NCALD: variants seen among roughly 807,000 people sequenced by gnomAD.
NCALD encodes neurocalcin-delta.
NCALD carries 10 observed loss-of-function variants against 18.6 expected under a neutral mutation model. The observed-to-expected ratio is 0.54, with a 90% CI of 0.33 to 0.91. The LOEUF (loss-of-function observed/expected upper bound fraction) is 0.91, where lower values mean the gene tolerates loss of function less well. Among genes scored for constraint, NCALD ranks in the 40% least tolerant of loss-of-function variants. The probability of loss-of-function intolerance (pLI) is 0.03; values close to 1 mark genes in which losing one functional copy is unlikely to be tolerated. For missense variants in NCALD, 184 were observed against 247.6 expected, an observed-to-expected ratio of 0.74 and a Z score of 1.72; for synonymous variants, 88 against 87.4, an observed-to-expected ratio of 1.01 and a Z score of -0.04.
At chr8:102,086,824 A>G (rs1824753715) in intron 1 of NCALD, among the ~76,000 whole-genome samples, 1 of 152,242 alleles carries the variant, frequency 6.6e-6, no homozygotes, top group Admixed American at 6.5e-5. Context: ...GATACAGGTC[A>G]TAAATATATT....
chr8:101,999,751 AAAT>A (rs1296455774), intron 2 of NCALD, among the ~76,000 whole-genome samples: 5 of 151,156 alleles, frequency 3.3e-5, no homozygotes, highest in Non-Finnish European at 7.4e-5. Context: ...TCTAAAAATA[AAAT>A]AATAACATTC....
At chr8:102,012,037 A>G (rs2132068624) in intron 2 of NCALD, among the ~76,000 whole-genome samples, 1 of 152,308 alleles carries the variant, frequency 6.6e-6, no homozygotes, top group East Asian at 1.9e-4. Context: ...TAATGAGGCA[A>G]TGGCCACTGT....
chr8:101,902,433 T>C (rs1409061357), intron 3 of NCALD, among the ~76,000 whole-genome samples: 1 of 152,126 alleles, frequency 6.6e-6, no homozygotes, highest in Non-Finnish European at 1.5e-5. Flanking sequence ...TGGCCAGGGG[T>C]CCAGTGACCA....
chr8:102,082,861 C>A (rs991753566), intron 1 of NCALD, among the ~76,000 whole-genome samples: 1 of 152,326 alleles, frequency 6.6e-6, no homozygotes, highest in Non-Finnish European at 1.5e-5. Flanking sequence ...ATTAGGTCTG[C>A]CTCTCAGTCC....
chr8:101,739,381 A>G (rs566483822), intron 1 of NCALD, among the ~76,000 whole-genome samples: 4 of 152,318 alleles, frequency 2.6e-5, no homozygotes, highest in African/African-American at 9.6e-5. Flanking sequence ...TTTAGTGTCT[A>G]TCTTTCCCTG....
chr8:101,922,387 T>C (rs940404199), intron 2 of NCALD, among the ~76,000 whole-genome samples: 7 of 152,174 alleles, frequency 4.6e-5, no homozygotes, highest in Non-Finnish European at 1.0e-4. Context: ...TTCTACATTA[T>C]TGGACACGTT....
intron 3 of NCALD, among the ~76,000 whole-genome samples, chr8:101,909,746 T>A (rs529041036): frequency 2.4e-4 from 37 of 152,162 alleles, no homozygotes; most frequent in Non-Finnish European, 4.7e-4. Flanking sequence ...CAGGATTATG[T>A]GATTAGAACA....
intron 4 of NCALD, among the ~76,000 whole-genome samples, chr8:101,808,074 C>G (rs1225239505): frequency 2.0e-5 from 3 of 152,054 alleles, no homozygotes; most frequent in Non-Finnish European, 4.4e-5. Context: ...CTCAAATTAC[C>G]AATATCTGTA....
intron 4 of NCALD, among the ~76,000 whole-genome samples, chr8:101,863,434 T>C (rs999983372): frequency 3.3e-5 from 5 of 152,206 alleles, no homozygotes; most frequent in Non-Finnish European, 5.9e-5. Context: ...CCCTTTCTTT[T>C]TGAAATGTTT....
At chr8:101,941,344 C>G (rs1429741533) in intron 2 of NCALD, among the ~76,000 whole-genome samples, 1 of 152,208 alleles carries the variant, frequency 6.6e-6, no homozygotes, top group Non-Finnish European at 1.5e-5. Context: ...AGAGCTCACG[C>G]TCCTATGAGA....
Position 101,688,577 on chromosome 8 carries a change from C to T in NCALD, c.*732G>A, listed in dbSNP as rs1318991811. On this transcript the variant is annotated 3_prime_UTR_variant, in exon 4 of 4. Coordinates refer to ENST00000220931, the MANE Select transcript of NCALD (RefSeq NM_032041.3). ...CATTACCCAATATGTTATATACAGC[C>T]GTCTTTTTATTTTATCACAATAGGC... 13 of 445,228 alleles carry T rather than the reference C, an allele frequency of 2.9e-5. No homozygotes were observed. The highest frequency in any genetic ancestry group is 1.3e-4 in the South Asian group (8 of 62,940). 27.6% of individuals were successfully genotyped at this position (445,228 alleles called of 1,614,324 possible). A position where few individuals can be genotyped will look rare whatever the true frequency, so the allele number is the denominator to read the frequency against.
At chr8:102,014,433 G>A (rs1252178763) in intron 2 of NCALD, among the ~76,000 whole-genome samples, 1 of 151,942 alleles carries the variant, frequency 6.6e-6, no homozygotes, top group Non-Finnish European at 1.5e-5. Context: ...TTGGGGGTTG[G>A]GTTTCAACAT....
At position 101,688,709 on chromosome 8, in the gene NCALD, CT is replaced by C; in HGVS notation, c.*599del. 1 of 486,310 alleles carries C rather than the reference CT, an allele frequency of 2.1e-6. No homozygotes were observed. Among genetic ancestry groups the C allele is most frequent in the Non-Finnish European group, 4.0e-6 (1 of 247,142 alleles). 30.1% of individuals were successfully genotyped at this position (486,310 alleles called of 1,614,324 possible). On this transcript the variant is annotated 3_prime_UTR_variant, in exon 4 of 4. Coordinates refer to ENST00000220931, the MANE Select transcript of NCALD (RefSeq NM_032041.3). ...ACCTGTGAAAAAATAGCTGAGCCAT[CT>C]TTTTCCTCTCCTCTGTTAATTTATC... is the stretch of plus-strand genomic sequence containing the variant.
chr8:101,837,549 GAC>G (rs369783063), intron 4 of NCALD, among the ~76,000 whole-genome samples: 3 of 152,138 alleles, frequency 2.0e-5, no homozygotes, highest in African/African-American at 7.2e-5. Flanking sequence ...TCTCTACTTA[GAC>G]ACAGTCTTTC....
At chr8:101,785,592 C>T (rs1812192396) in intron 1 of NCALD, among the ~76,000 whole-genome samples, 1 of 152,078 alleles carries the variant, frequency 6.6e-6, no homozygotes, top group South Asian at 2.1e-4. Context: ...TGGATTATGC[C>T]ATTAAGATTG....
chr8:101,691,231 C>T, intron 3 of NCALD: 4 of 985,268 alleles, frequency 4.1e-6, no homozygotes, highest in Non-Finnish European at 4.8e-6. Context: ...CCCTCTTCCT[C>T]CTTCCTTCTA....
At chr8:101,969,266 A>G (rs1820146981) in intron 2 of NCALD, among the ~76,000 whole-genome samples, 1 of 152,224 alleles carries the variant, frequency 6.6e-6, no homozygotes, top group Admixed American at 6.5e-5. Flanking sequence ...CTGAAGGCCC[A>G]GTCTCACATT....
At chr8:101,987,720 T>C (rs1820867967) in intron 2 of NCALD, among the ~76,000 whole-genome samples, 2 of 152,116 alleles carry the variant, frequency 1.3e-5, no homozygotes, top group African/African-American at 4.8e-5. Context: ...ATGTATTACA[T>C]CTTTCCACCG....
At chr8:101,974,103 C>T (rs1381990792) in intron 2 of NCALD, among the ~76,000 whole-genome samples, 1 of 145,106 alleles carries the variant, frequency 6.9e-6, no homozygotes, top group Non-Finnish European at 1.5e-5. Context: ...CTTTAGCTCT[C>T]CCTGCCCTCA....
Sources: allele counts gnomAD v4.1 joint callset (sites outside exome capture counted in the v4.1 genomes callset), GRCh38; gene constraint gnomAD v4.1.1; transcripts MANE v1.5; gene names NCBI Gene and HGNC (gene_info 2026-07-23, HGNC 2026-07-21).